The following BTBD9 variants were observed in gnomAD, a reference collection of about 807,000 sequenced individuals.
BTBD9 encodes the protein BTB domain containing 9, also known as BTB/POZ domain-containing protein 9.
Under a neutral mutation model 64.3 loss-of-function variants are expected in BTBD9, and 49 were observed. The ratio of observed to expected loss-of-function variants is 0.76; its 90% CI spans 0.61 to 0.97. The LOEUF is 0.97. Ranked by LOEUF, BTBD9 falls within the 50% of genes least tolerant of loss-of-function variation. BTBD9 has a pLI of 0.00. For synonymous variants in BTBD9, 260 were observed against 274.7 expected, an observed-to-expected ratio of 0.95 and a Z score of 0.53; for missense variants, 598 against 762.1, an observed-to-expected ratio of 0.78 and a Z score of 2.53.
chr6:38,234,584 T>C (rs761389994), intron 9 of BTBD9, among the ~76,000 whole-genome samples: 2 of 152,248 alleles, frequency 1.3e-5, no homozygotes, highest in Non-Finnish European at 2.9e-5. Context: ...ACATAACTAT[T>C]ATATACTTTT....
chr6:38,561,749 A>G (rs1373578972), intron 6 of BTBD9, among the ~76,000 whole-genome samples: 1 of 152,146 alleles, frequency 6.6e-6, no homozygotes, highest in Non-Finnish European at 1.5e-5. Context: ...TACATATGTA[A>G]ATAAAGATGA....
chr6:38,537,941 G>A (rs1774094470), intron 6 of BTBD9, among the ~76,000 whole-genome samples: 1 of 152,154 alleles, frequency 6.6e-6, no homozygotes, highest in African/African-American at 2.4e-5. Context: ...CTGAAGGATG[G>A]CAGAGCCCCC....
chr6:38,392,533 G>C (rs1766466908), intron 6 of BTBD9, among the ~76,000 whole-genome samples: 1 of 139,154 alleles, frequency 7.2e-6, no homozygotes, highest in African/African-American at 2.5e-5. Context: ...CAAAGACCTT[G>C]TTAGGCAGTT....
chr6:38,545,344 C>T (rs925844790), intron 6 of BTBD9, among the ~76,000 whole-genome samples: 2 of 152,072 alleles, frequency 1.3e-5, no homozygotes, highest in African/African-American at 4.8e-5. Flanking sequence ...CAGGCGTGAG[C>T]CACCATGTCC....
chr6:38,562,797 T>A (rs1380213882), intron 6 of BTBD9, among the ~76,000 whole-genome samples: 1 of 152,218 alleles, frequency 6.6e-6, no homozygotes, highest in Non-Finnish European at 1.5e-5. Context: ...TAAACATGCT[T>A]ACATACCTAT....
At chr6:38,557,833 T>C (rs571953445) in intron 6 of BTBD9, among the ~76,000 whole-genome samples, 115 of 152,324 alleles carry the variant, frequency 7.5e-4, no homozygotes, top group African/African-American at 2.6e-3. Flanking sequence ...TCAGTGACAA[T>C]GTATAACACA....
chr6:38,202,220 G>C (rs1451981197), intron 9 of BTBD9, among the ~76,000 whole-genome samples: 1 of 151,674 alleles, frequency 6.6e-6, no homozygotes, highest in African/African-American at 2.4e-5. Context: ...GAGTAGCTGG[G>C]ACTATGAGTG....
At chr6:38,193,541 A>G (rs1047162420) in intron 9 of BTBD9, among the ~76,000 whole-genome samples, 1 of 152,050 alleles carries the variant, frequency 6.6e-6, no homozygotes, top group Admixed American at 6.6e-5. Flanking sequence ...CTCATTTAAG[A>G]CTCAGCAGAG....
At chr6:38,297,841 CTTTTTT>C (rs747848539) in intron 7 of BTBD9, among the ~76,000 whole-genome samples, 1 of 136,546 alleles carries the variant, frequency 7.3e-6, no homozygotes, top group Non-Finnish European at 1.6e-5. Context: ...CTCCAGTTTT[CTTTTTT>C]TTTTTTTTTC....
chr6:38,365,437 C>T lies in BTBD9; in HGVS notation c.1155-20344G>A, dbSNP rs146017370. Among the ~76,000 whole-genome samples, 8 of 152,232 alleles carry T rather than the reference C, an allele frequency of 5.3e-5. No individual in the cohort carries two copies. The East Asian group carries it at 1.4e-3, about 26-fold the overall frequency. On this transcript the variant is annotated intron_variant, in intron 6 of 10. Transcript: ENST00000481247. The stretch of plus-strand genomic sequence containing the variant: ...CATCCATACCAGCAAGAGTAACAGG[C>T]TACTCAAGATACTGAAGGTACAGGC...
chr6:38,414,881 T>C (rs1474928792), intron 6 of BTBD9, among the ~76,000 whole-genome samples: 2 of 152,194 alleles, frequency 1.3e-5, no homozygotes, highest in Non-Finnish European at 2.9e-5. Context: ...AACTCATGTA[T>C]ATCATGATTT....
At chr6:38,421,310 C>T (rs1767893839) in intron 6 of BTBD9, among the ~76,000 whole-genome samples, 1 of 151,992 alleles carries the variant, frequency 6.6e-6, no homozygotes, top group Admixed American at 6.6e-5. Flanking sequence ...GAGCTAATAT[C>T]GCACCACTGC....
At chr6:38,524,525 T>C (rs915843812) in intron 6 of BTBD9, among the ~76,000 whole-genome samples, 2 of 152,166 alleles carry the variant, frequency 1.3e-5, no homozygotes, top group African/African-American at 4.8e-5. Flanking sequence ...CACAAAATTA[T>C]CTAAGTTGTC....
chr6:38,189,088 G>A (rs745693295), intron 10 of BTBD9, among the ~76,000 whole-genome samples: 35 of 152,298 alleles, frequency 2.3e-4, no homozygotes, highest in Admixed American at 1.4e-3. Flanking sequence ...TCCAGGCCAC[G>A]CTCCATAGTG....
intron 4 of BTBD9, among the ~76,000 whole-genome samples, chr6:38,588,762 T>C (rs1776658858): frequency 6.6e-6 from 1 of 152,238 alleles, no homozygotes; most frequent in South Asian, 2.1e-4. Flanking sequence ...ACACTACTCT[T>C]ACATGTATGT....
At chr6:38,298,762 C>T (rs1290345955) in intron 7 of BTBD9, among the ~76,000 whole-genome samples, 1 of 152,114 alleles carries the variant, frequency 6.6e-6, no homozygotes, top group African/African-American at 2.4e-5. Flanking sequence ...TGAGTAACAA[C>T]ATATGATATC....
intron 6 of BTBD9, among the ~76,000 whole-genome samples, chr6:38,568,863 C>T (rs1775635336): frequency 6.6e-6 from 1 of 152,084 alleles, no homozygotes; most frequent in Non-Finnish European, 1.5e-5. Flanking sequence ...GTCTTTTAAT[C>T]TTAAAGAAAG....
At chr6:38,375,782 T>C (rs1053383991) in intron 6 of BTBD9, among the ~76,000 whole-genome samples, 7 of 151,996 alleles carry the variant, frequency 4.6e-5, no homozygotes, top group Middle Eastern at 3.2e-3. Flanking sequence ...AAAATAGAAG[T>C]AGTAGGTTTT....
intron 9 of BTBD9, among the ~76,000 whole-genome samples, chr6:38,216,404 G>A (rs745713321): frequency 1.1e-4 from 16 of 152,162 alleles, no homozygotes; most frequent in Non-Finnish European, 2.1e-4. Context: ...ACAGTCCTTG[G>A]CTAGGACTAT....
Sources: gnomAD v4.1 joint callset for allele counts (sites outside exome capture counted in the v4.1 genomes callset) on GRCh38, gnomAD v4.1.1 for gene constraint, MANE v1.5 for transcripts, NCBI Gene and HGNC (gene_info 2026-07-23, HGNC 2026-07-21) for gene names.